The following ADAMTS19 variants were observed in gnomAD, a reference collection of about 807,000 sequenced individuals.
ADAMTS19 encodes the protein ADAM metallopeptidase with thrombospondin type 1 motif 19.
In ADAMTS19, 93 loss-of-function variants were observed where a neutral mutation model predicts 153.3. That is an observed-to-expected ratio of 0.61 (90% CI 0.51 to 0.72). The LOEUF is 0.72. Ranked by LOEUF, ADAMTS19 falls within the 30% of genes least tolerant of loss-of-function variation. The pLI is 0.00. For synonymous variants in ADAMTS19, 600 were observed against 556.6 expected (o/e 1.08, Z -1.10); for missense variants, 1,482 against 1,552.1 (o/e 0.95, Z 0.76).
At chr5:129,609,286 T>G (rs1396379953) in intron 8 of ADAMTS19, among the ~76,000 whole-genome samples, 2 of 152,196 alleles carry the variant, frequency 1.3e-5, no homozygotes, top group African/African-American at 4.8e-5. Flanking sequence ...CTGTCTGTAT[T>G]CATTTCCTTT....
Position 129,634,572 on chromosome 5 carries a change from C to G in ADAMTS19, c.1771-7287C>G, listed in dbSNP as rs553423400. Among the ~76,000 whole-genome samples the G allele has an allele frequency of 1.4e-3, 219 of 152,020 alleles. 1 individual carries two copies. The highest frequency in any genetic ancestry group is 3.1e-3 in the South Asian group (15 of 4,810). On this transcript the variant is annotated intron_variant, in intron 10 of 22. Transcript: ENST00000274487. ...TACTAAAAACAACATGATACTGGGA[C>G]AAAACAGACACATAGACCAATGGAA...
chr5:129,515,263 T>C (rs932093450), intron 3 of ADAMTS19, among the ~76,000 whole-genome samples: 1 of 151,868 alleles, frequency 6.6e-6, no homozygotes, highest in Non-Finnish European at 1.5e-5. Context: ...GATAGCTTTG[T>C]CTGTTTGGGG....
intron 3 of ADAMTS19, 117 bp from the exon 4 acceptor site, chr5:129,526,167 C>G: frequency 1.2e-6 from 1 of 831,218 alleles, no homozygotes; most frequent in Non-Finnish European, 1.7e-6. Flanking sequence ...GCCAAATGCC[C>G]TTTAAGATTT....
At chr5:129,546,886 T>A (rs1428852713) in intron 6 of ADAMTS19, among the ~76,000 whole-genome samples, 1 of 151,038 alleles carries the variant, frequency 6.6e-6, no homozygotes, top group Non-Finnish European at 1.5e-5. Context: ...AAAATCAAGA[T>A]GGAACCATAA....
At chr5:129,499,534 A>C (rs1331115911) in intron 2 of ADAMTS19, among the ~76,000 whole-genome samples, 8 of 152,144 alleles carry the variant, frequency 5.3e-5, no homozygotes, top group Non-Finnish European at 1.0e-4. Context: ...TCAAAGGAAA[A>C]GATAGAAAAG....
chr5:129,712,275 G>T (rs1411095391), intron 21 of ADAMTS19, among the ~76,000 whole-genome samples: 1 of 152,040 alleles, frequency 6.6e-6, no homozygotes, highest in Non-Finnish European at 1.5e-5. Context: ...ATCATCTAAA[G>T]AAATCAAAGA....
intron 22 of ADAMTS19, among the ~76,000 whole-genome samples, chr5:129,736,186 C>T (rs1757656467): frequency 6.6e-6 from 1 of 151,912 alleles, no homozygotes; most frequent in South Asian, 2.1e-4. Flanking sequence ...ATTCCTTTCT[C>T]CAACAATTAG....
intron 7 of ADAMTS19, among the ~76,000 whole-genome samples, chr5:129,571,573 C>A (rs1388402396): frequency 1.3e-5 from 2 of 151,572 alleles, no homozygotes; most frequent in Admixed American, 6.6e-5. Context: ...GAGTGGAAGA[C>A]AGCATGGTAT....
intron 6 of ADAMTS19, among the ~76,000 whole-genome samples, chr5:129,544,625 T>A (rs1185980832): frequency 1.3e-5 from 2 of 152,186 alleles, no homozygotes; most frequent in African/African-American, 4.8e-5. Context: ...AAGCAAGTTC[T>A]GGCAACAAGT....
chr5:129,476,825 A>G (rs1190527488), intron 2 of ADAMTS19, among the ~76,000 whole-genome samples: 1 of 152,144 alleles, frequency 6.6e-6, no homozygotes, highest in Non-Finnish European at 1.5e-5. Flanking sequence ...AAATTTTCTC[A>G]TTTTAGTAGC....
intron 10 of ADAMTS19, among the ~76,000 whole-genome samples, chr5:129,631,492 T>C (rs1209052191): frequency 6.6e-6 from 1 of 152,008 alleles, no homozygotes; most frequent in Non-Finnish European, 1.5e-5. Context: ...TTATGTCAGA[T>C]TTTGATTCAT....
At chr5:129,655,642 A>T (rs1227355832) in intron 14 of ADAMTS19, among the ~76,000 whole-genome samples, 1 of 152,194 alleles carries the variant, frequency 6.6e-6, no homozygotes, top group Non-Finnish European at 1.5e-5. Context: ...GAACACACAC[A>T]TACACACATA....
chr5:129,540,970 A>T (rs1752636258), intron 6 of ADAMTS19, among the ~76,000 whole-genome samples: 1 of 152,180 alleles, frequency 6.6e-6, no homozygotes, highest in South Asian at 2.1e-4. Context: ...GTCAGCAAAT[A>T]ATCTCTATCC....
intron 7 of ADAMTS19, among the ~76,000 whole-genome samples, chr5:129,557,174 T>C (rs998671108): frequency 6.6e-6 from 1 of 152,136 alleles, no homozygotes; most frequent in Admixed American, 6.6e-5. Flanking sequence ...AATATATATA[T>C]AAGGAGTAAC....
At chr5:129,736,633 A>T (rs73785275) in intron 22 of ADAMTS19, among the ~76,000 whole-genome samples, 418 of 152,236 alleles carry the variant, frequency 2.7e-3, no homozygotes, top group African/African-American at 9.5e-3. Context: ...ATATGAAATA[A>T]CTGTGAGCAT....
Position 129,462,985 on chromosome 5 carries a change from T to C in ADAMTS19, c.747+1228T>C, listed in dbSNP as rs569131049. ...GACCCAAGATCCCATAGTCAAATGA[T>C]GTAAACTGTTGGACAGTACTCATAA... On this transcript the variant is annotated intron_variant, in intron 2 of 22. Transcript: ENST00000274487. Among the ~76,000 whole-genome samples the C allele has an allele frequency of 1.6e-4, 24 of 152,304 alleles. No individual in the cohort carries two copies. In the East Asian group the frequency reaches 4.4e-3, roughly 28 times the overall value.
At chr5:129,497,118 C>T (rs1020387991) in intron 2 of ADAMTS19, among the ~76,000 whole-genome samples, 7 of 152,000 alleles carry the variant, frequency 4.6e-5, no homozygotes, top group East Asian at 1.9e-4. Context: ...GGGTTAGACA[C>T]GGGCAGGAGC....
At chr5:129,675,985 A>T (rs781164983) in intron 16 of ADAMTS19, among the ~76,000 whole-genome samples, 3 of 152,164 alleles carry the variant, frequency 2.0e-5, no homozygotes, top group Non-Finnish European at 4.4e-5. Context: ...CTCTGCAATG[A>T]GATGGCGCCA....
chr5:129,504,864 CACACACAG>C (rs1278517405), intron 2 of ADAMTS19, among the ~76,000 whole-genome samples: 2 of 79,486 alleles, frequency 2.5e-5, no homozygotes, highest in African/African-American at 1.2e-4. Flanking sequence ...TCTGTCTACA[CACACACAG>C]ACACACACAC....
Sources: gnomAD v4.1 joint callset for allele counts (sites outside exome capture counted in the v4.1 genomes callset) on GRCh38, gnomAD v4.1.1 for gene constraint, MANE v1.5 for transcripts, NCBI Gene and HGNC (gene_info 2026-07-23, HGNC 2026-07-21) for gene names.